ANKRD55: variants seen among roughly 807,000 people sequenced by gnomAD.
ANKRD55 encodes ankyrin repeat domain 55, also known as ankyrin repeat domain-containing protein 55.
Under a neutral mutation model 60.6 loss-of-function variants are expected in ANKRD55, and 41 were observed. The ratio of observed to expected loss-of-function variants is 0.68; its 90% CI spans 0.53 to 0.88. ANKRD55 has a LOEUF of 0.88. Among genes scored for constraint, ANKRD55 ranks in the 40% least tolerant of loss-of-function variants. The pLI, the probability that ANKRD55 is intolerant of heterozygous loss-of-function variation, is 0.00. For synonymous variants in ANKRD55, 264 were observed against 290.3 expected (o/e 0.91, Z 0.92); for missense variants, 732 against 767.6 (o/e 0.95, Z 0.55).
intron 6 of ANKRD55, among the ~76,000 whole-genome samples, chr5:56,144,572 T>G (rs1379256360): frequency 6.2e-5 from 8 of 128,558 alleles, no homozygotes; most frequent in Admixed American, 1.6e-4. Context: ...CCTGGGAGGG[T>G]GGGATGGGGG....
intron 9 of ANKRD55, among the ~76,000 whole-genome samples, chr5:56,113,986 CTA>C (rs3055156): frequency 0.017 from 2,399 of 139,078 alleles, 24 homozygotes; most frequent in East Asian, 0.027. Context: ...AATATGTATA[CTA>C]TATATATATA....
At chr5:56,176,070 T>C in intron 4 of ANKRD55, 82 bp downstream of exon 4, 1 of 1,556,946 alleles carries the variant, frequency 6.4e-7, no homozygotes, top group Admixed American at 1.7e-5. Context: ...GATCCAAGAA[T>C]GCTCCTTTGC....
rs1169110153 is a variant in ANKRD55 at position 56,135,278 on chromosome 5, CCCTGCCTGCCTG to C, written c.613-8184_613-8173del. ...TCCTTCCTTCTTTCCCTCCCTCCCT[CCCTGCCTGCCTG>C]CTTGCTTTCTTTCTTTCTTTCTTTC... On this transcript the variant is annotated intron_variant, in intron 7 of 11. Coordinates refer to ENST00000341048, the MANE Select transcript of ANKRD55 (RefSeq NM_024669.3). Among the ~76,000 whole-genome samples, 319 of 77,026 alleles carry C rather than the reference CCCTGCCTGCCTG, an allele frequency of 4.1e-3. 22 individuals carry two copies. The highest frequency in any genetic ancestry group is 0.013 in the Admixed American group (97 of 7,694). 50.5% of individuals were successfully genotyped at this position (77,026 alleles called of 152,430 possible).
At chr5:56,183,024 G>A (rs1004006969) in intron 3 of ANKRD55, among the ~76,000 whole-genome samples, 3 of 152,188 alleles carry the variant, frequency 2.0e-5, no homozygotes, top group Non-Finnish European at 4.4e-5. Context: ...GAGAGACAAG[G>A]CAAGAAGAAA....
intron 8 of ANKRD55, among the ~76,000 whole-genome samples, chr5:56,126,102 C>G (rs996404507): frequency 6.6e-6 from 1 of 151,806 alleles, no homozygotes; most frequent in Non-Finnish European, 1.5e-5. Context: ...CCACTGCACT[C>G]CAGCCTGGGC....
chr5:56,172,098 G>A (rs1437602029), intron 4 of ANKRD55, among the ~76,000 whole-genome samples: 7 of 148,208 alleles, frequency 4.7e-5, no homozygotes, highest in Admixed American at 1.4e-4. Flanking sequence ...CAACCTGGGC[G>A]ACAGAACGAG....
intron 2 of ANKRD55, among the ~76,000 whole-genome samples, chr5:56,204,425 C>T (rs1025656688): frequency 2.6e-5 from 4 of 152,154 alleles, no homozygotes; most frequent in Non-Finnish European, 5.9e-5. Flanking sequence ...AATGGTATCG[C>T]CTAGGTTTTC....
At chr5:56,213,532 T>C (rs1353764817) in intron 2 of ANKRD55, among the ~76,000 whole-genome samples, 1 of 147,484 alleles carries the variant, frequency 6.8e-6, no homozygotes, top group Non-Finnish European at 1.5e-5. Flanking sequence ...AAAAAAACAA[T>C]ATTGAGGGAG....
intron 6 of ANKRD55, among the ~76,000 whole-genome samples, chr5:56,151,869 G>A (rs527418701): frequency 1.1e-4 from 16 of 147,700 alleles, no homozygotes; most frequent in East Asian, 4.0e-4. Flanking sequence ...GTATATATAC[G>A]TGTGTATATA....
intron 6 of ANKRD55, among the ~76,000 whole-genome samples, chr5:56,150,537 G>A (rs1165734774): frequency 6.6e-6 from 1 of 152,060 alleles, no homozygotes; most frequent in Non-Finnish European, 1.5e-5. Context: ...CTGGGAGGCA[G>A]AGGTTGCAGT....
chr5:56,212,479 G>A (rs1329313082), intron 2 of ANKRD55, among the ~76,000 whole-genome samples: 1 of 152,158 alleles, frequency 6.6e-6, no homozygotes, highest in Non-Finnish European at 1.5e-5. Flanking sequence ...GAAATGAAAT[G>A]TAATAATTAT....
chr5:56,180,313 T>C (rs932189649), intron 3 of ANKRD55, among the ~76,000 whole-genome samples: 2 of 152,234 alleles, frequency 1.3e-5, no homozygotes, highest in African/African-American at 4.8e-5. Context: ...ATTCGAACTA[T>C]AGCATGTAGC....
intron 8 of ANKRD55, 59 bp downstream of exon 8, chr5:56,126,863 T>A (rs759726313): frequency 2.7e-5 from 41 of 1,529,490 alleles, no homozygotes; most frequent in Non-Finnish European, 3.1e-5. Flanking sequence ...TCCTTTATTT[T>A]AAGATTCAGT....
intron 6 of ANKRD55, among the ~76,000 whole-genome samples, chr5:56,158,832 T>TCC (rs1758256292): frequency 1.3e-5 from 2 of 151,824 alleles, no homozygotes; most frequent in East Asian, 3.9e-4. Flanking sequence ...TAGCTGGGAC[T>TCC]ATAGGCATGT....
intron 2 of ANKRD55, among the ~76,000 whole-genome samples, chr5:56,215,316 T>G (rs190393839): frequency 2.6e-5 from 4 of 152,322 alleles, no homozygotes; most frequent in Non-Finnish European, 4.4e-5. Flanking sequence ...TTTAACCTCT[T>G]TCTCCTCCTC....
chr5:56,192,665 A>G (rs1480979576), intron 2 of ANKRD55: 3 of 1,116,020 alleles, frequency 2.7e-6, no homozygotes, highest in African/African-American at 3.1e-5. Context: ...CACCCAGACT[A>G]ATGTTCTTCA....
chr5:56,203,371 A>C (rs1213616978), intron 2 of ANKRD55, among the ~76,000 whole-genome samples: 1 of 152,068 alleles, frequency 6.6e-6, no homozygotes, highest in Admixed American at 6.5e-5. Flanking sequence ...TTATACTTTA[A>C]GTTTTAGGGT....
rs754630627 is a variant in ANKRD55, at chr5:56,116,739, C to T, written c.841G>A (p.Val281Ile). 18 of 1,613,568 alleles carry T rather than the reference C, an allele frequency of 1.1e-5. No homozygotes were observed. In the South Asian group the frequency reaches 2.0e-4, roughly 18 times the overall value. The change falls in exon 9 of 12, where the codon GTC becomes ATC. Residue 281 changes from valine to isoleucine, a missense_variant. Val to Ile is a conservative substitution (Grantham distance 29). This residue lies in a region of ANKRD55 where 597 missense variants were observed against 607.5 expected (regional missense o/e 0.98). Transcript: ENST00000341048. Reference sequence around the variant, plus strand: ...ATTCCCAACTCCAGCAGTGACTGGACACATTCGGCCTTCCCTGCAGCTGCA... The same window carrying T: ...ATTCCCAACTCCAGCAGTGACTGGATACATTCGGCCTTCCCTGCAGCTGCA... ...WAAAAGKAEC[V>I]QSLLELGMDS...
chr5:56,183,780 C>T, intron 2 of ANKRD55, 146 bp from the exon 3 acceptor site: 1 of 979,188 alleles, frequency 1.0e-6, no homozygotes, highest in Middle Eastern at 2.8e-4. Context: ...TGGCTACACA[C>T]TCCCTCACCA....
Sources: allele counts gnomAD v4.1 joint callset (sites outside exome capture counted in the v4.1 genomes callset), GRCh38; gene constraint gnomAD v4.1.1; regional missense constraint gnomAD v4.1.1; transcripts MANE v1.5; gene names NCBI Gene and HGNC (gene_info 2026-07-23, HGNC 2026-07-21).